Variants in REV3L observed in about 807,000 individuals in gnomAD.
REV3L encodes REV3 like, DNA directed polymerase zeta catalytic subunit, also known as DNA polymerase zeta catalytic subunit.
A neutral mutation model predicts 299.4 loss-of-function variants in REV3L; 69 were observed. That is an observed-to-expected ratio of 0.23 (90% confidence interval 0.19 to 0.28). REV3L has a LOEUF of 0.28. REV3L is among the 10% of genes least tolerant of loss of function. REV3L has a pLI of 1.00. For synonymous variants in REV3L, 1,238 were observed against 1,271.4 expected (o/e 0.97, Z 0.56); for missense variants, 3,128 against 3,693.8 (o/e 0.85, Z 3.97).
intron 31 of REV3L, among the ~76,000 whole-genome samples, chr6:111,301,330 T>TGC (rs1562471224): frequency 6.6e-6 from 1 of 152,182 alleles, no homozygotes; most frequent in East Asian, 1.9e-4. Flanking sequence ...GATCTCACTC[T>TGC]GCCTCTTTGC....
At chr6:111,472,131 G>T in intron 1 of REV3L, 1 of 1,266,842 alleles carries the variant, frequency 7.9e-7, no homozygotes, top group Non-Finnish European at 1.0e-6. Flanking sequence ...GGCTTGTCTT[G>T]GGTTTTATTC....
At chr6:111,330,006 A>C (rs1775226382) in intron 24 of REV3L, among the ~76,000 whole-genome samples, 1 of 152,214 alleles carries the variant, frequency 6.6e-6, no homozygotes, top group Non-Finnish European at 1.5e-5. Context: ...GAGGATGTCA[A>C]CTAGTGCATA....
At chr6:111,436,325 C>A (rs1042083655) in intron 1 of REV3L, among the ~76,000 whole-genome samples, 1 of 152,092 alleles carries the variant, frequency 6.6e-6, no homozygotes, top group Non-Finnish European at 1.5e-5. Context: ...TCTGTACTCC[C>A]ATGTTTATTG....
At position 111,386,257 on chromosome 6, in the gene REV3L, CATT is replaced by C. The variant is rs773928228; in HGVS notation, c.1096+1505_1096+1507del. 3.4e-4 allele frequency among the ~76,000 whole-genome samples: 52 copies of C among 152,214 alleles called. No homozygotes were observed. In the East Asian group the frequency reaches 3.7e-3, roughly 11 times the overall value. Reference sequence around the variant, plus strand: ...CTAATACTTGTAGAGAAATAGCTAACATTGTTGTTTAGTCTTAAAATGGAACAG... The same window carrying C: ...CTAATACTTGTAGAGAAATAGCTAACGTTGTTTAGTCTTAAAATGGAACAG... On this transcript the variant is annotated intron_variant, in intron 9 of 31. Coordinates refer to ENST00000368802, the MANE Select transcript of REV3L (RefSeq NM_001372078.1).
At position 111,422,632 on chromosome 6, in the gene REV3L, A is replaced by G. The variant is rs1455011234; in HGVS notation, c.140-6160T>C. Among the ~76,000 whole-genome samples the G allele has an allele frequency of 2.2e-4, 5 of 22,870 alleles. 2 individuals carry two copies. Among genetic ancestry groups the G allele is most frequent in the East Asian group, 1.4e-3 (2 of 1,416 alleles). The allele number at this position is 22,870 out of a possible 152,430, so 15.0% of individuals were successfully genotyped here. A position where few individuals can be genotyped will look rare whatever the true frequency, so the allele number is the denominator to read the frequency against. ...TATATACACATATATATATATATAC[A>G]CATATATATATATATACATATATAT... On this transcript the variant is annotated intron_variant, in intron 1 of 31. Coordinates refer to ENST00000368802, the MANE Select transcript of REV3L (RefSeq NM_001372078.1).
At chr6:111,435,101 A>T (rs1486125427) in intron 1 of REV3L, among the ~76,000 whole-genome samples, 1 of 152,152 alleles carries the variant, frequency 6.6e-6, no homozygotes. Context: ...GCTACTGGGG[A>T]GGCTGAAAGG....
At chr6:111,381,499 A>G (rs1780826697) in intron 9 of REV3L, 55 bp from the exon 10 acceptor site, 1 of 1,472,944 alleles carries the variant, frequency 6.8e-7, no homozygotes, top group Non-Finnish European at 9.2e-7. Flanking sequence ...TCCAAAATTT[A>G]TCATTTAGAA....
chr6:111,384,577 C>T (rs1274805500), intron 9 of REV3L, among the ~76,000 whole-genome samples: 1 of 151,878 alleles, frequency 6.6e-6, no homozygotes, highest in Non-Finnish European at 1.5e-5. Flanking sequence ...GGCTTTTATC[C>T]AAAAGACAGG....
At position 111,365,349 on chromosome 6, in the gene REV3L, A is replaced by G; in HGVS notation, c.6674-5T>C. 3.3e-6 allele frequency: 5 copies of G among 1,517,738 alleles called. No homozygotes were observed. Among genetic ancestry groups the G allele is most frequent in the Non-Finnish European group, 4.5e-6 (5 of 1,120,982 alleles). The allele number at this position is 1,517,738 out of a possible 1,614,324, so 94.0% of individuals were successfully genotyped here. ...TCAACTTCTGTGTTTTTGGTTCTGT[A>G]GAAAGAAATTTAATATTTAACATGT... is the stretch of plus-strand genomic sequence containing the variant. On this transcript the variant is annotated splice_region_variant and splice_polypyrimidine_tract_variant and intron_variant, in intron 14 of 31. Coordinates refer to ENST00000368802, the MANE Select transcript of REV3L (RefSeq NM_001372078.1).
chr6:111,385,982 C>G (rs1288815333), intron 9 of REV3L, among the ~76,000 whole-genome samples: 4 of 152,152 alleles, frequency 2.6e-5, no homozygotes, highest in Admixed American at 2.6e-4. Flanking sequence ...TGAGGCTTTG[C>G]TTGCCTAGTA....
At chr6:111,471,311 G>A (rs1226266247) in intron 1 of REV3L, among the ~76,000 whole-genome samples, 1 of 151,802 alleles carries the variant, frequency 6.6e-6, no homozygotes, top group Non-Finnish European at 1.5e-5. Context: ...GGTCCTGATG[G>A]ACCACTTATA....
intron 1 of REV3L, among the ~76,000 whole-genome samples, chr6:111,454,877 A>C (rs916499062): frequency 6.6e-6 from 1 of 151,958 alleles, no homozygotes; most frequent in Non-Finnish European, 1.5e-5. Flanking sequence ...TGTTGGTCAG[A>C]CTGGTCTCAA....
At chr6:111,459,520 G>A (rs1178642549) in intron 1 of REV3L, among the ~76,000 whole-genome samples, 1 of 151,800 alleles carries the variant, frequency 6.6e-6, no homozygotes, top group Non-Finnish European at 1.5e-5. Flanking sequence ...CAGAAACTAT[G>A]TATCTGACAA....
intron 1 of REV3L, among the ~76,000 whole-genome samples, chr6:111,479,607 T>C (rs1181359997): frequency 6.7e-6 from 1 of 149,470 alleles, no homozygotes; most frequent in African/African-American, 2.4e-5. Context: ...CCTTCTGGGC[T>C]GAAGCGATTC....
At chr6:111,428,482 G>A (rs1786459809) in intron 1 of REV3L, among the ~76,000 whole-genome samples, 1 of 151,710 alleles carries the variant, frequency 6.6e-6, no homozygotes, top group Admixed American at 6.6e-5. Context: ...AGACAACACA[G>A]AAAAGTAATA....
At chr6:111,324,799 G>C (rs12215189) in intron 25 of REV3L, among the ~76,000 whole-genome samples, 15,265 of 152,022 alleles carry the variant, frequency 0.1, 1,013 homozygotes, top group Middle Eastern at 0.19. Flanking sequence ...AAAGGGCTAA[G>C]AGAGGATTTA....
intron 3 of REV3L, among the ~76,000 whole-genome samples, chr6:111,406,970 T>C (rs1783704570): frequency 6.6e-6 from 1 of 152,112 alleles, no homozygotes; most frequent in Non-Finnish European, 1.5e-5. Context: ...ATAAAGAAAT[T>C]ATCTTAGATT....
rs1780683287 is a variant in REV3L, at chr6:111,380,158, A to G, written c.1278T>C (p.Tyr426=). The part of the protein sequence containing the change: ...HLLAGLESDG[Y]RGERNRMPSP... ...ATGGCATCCTATTTCTTTCCCCCCGATATCCATCACTTTCCAAACCAGCAA... is the reference window on the plus strand; with the variant it reads ...ATGGCATCCTATTTCTTTCCCCCCGGTATCCATCACTTTCCAAACCAGCAA... Residue 426 remains tyrosine, a synonymous_variant, in exon 11 of 32, where the codon TAT becomes TAC. Coordinates refer to ENST00000368802, the MANE Select transcript of REV3L (RefSeq NM_001372078.1). 1 of 1,614,054 alleles carries G rather than the reference A, an allele frequency of 6.2e-7. No homozygotes were observed.
chr6:111,339,280 T>C (rs1215941441), intron 21 of REV3L, among the ~76,000 whole-genome samples: 2 of 152,110 alleles, frequency 1.3e-5, no homozygotes, highest in African/African-American at 4.8e-5. Context: ...AACATCTCTC[T>C]ATTATAGATA....
Sources: allele counts gnomAD v4.1 joint callset (sites outside exome capture counted in the v4.1 genomes callset), GRCh38; gene constraint gnomAD v4.1.1; transcripts MANE v1.5; gene names NCBI Gene and HGNC (gene_info 2026-07-23, HGNC 2026-07-21).